The following ST7 variants were observed in gnomAD, a reference collection of about 807,000 sequenced individuals.
The protein encoded by ST7 is suppression of tumorigenicity 7.
Under a neutral mutation model 78.7 loss-of-function variants are expected in ST7, and 28 were observed. That is an observed-to-expected ratio of 0.36 (90% confidence interval 0.26 to 0.49). The LOEUF (loss-of-function observed/expected upper bound fraction) is 0.49, where lower values mean the gene tolerates loss of function less well. ST7 is among the 20% of genes least tolerant of loss of function. The pLI is 0.99. For missense variants in ST7, 418 were observed against 696.0 expected, an observed-to-expected ratio of 0.60 and a Z score of 4.49; for synonymous variants, 247 against 249.6, an observed-to-expected ratio of 0.99 and a Z score of 0.10.
At chr7:117,118,994 C>T (rs900813121) in intron 2 of ST7, among the ~76,000 whole-genome samples, 2 of 152,196 alleles carry the variant, frequency 1.3e-5, no homozygotes, top group African/African-American at 4.8e-5. Context: ...AATGCTGAAC[C>T]TCAGTGGCTG....
chr7:117,214,659 TATC>T (rs1305016552), intron 13 of ST7, among the ~76,000 whole-genome samples: 1 of 151,944 alleles, frequency 6.6e-6, no homozygotes, highest in African/African-American at 2.4e-5. Flanking sequence ...AGACTCCAGA[TATC>T]ATATGATGGT....
At chr7:117,046,281 G>T (rs928844838) in intron 1 of ST7, among the ~76,000 whole-genome samples, 2 of 152,126 alleles carry the variant, frequency 1.3e-5, no homozygotes, top group African/African-American at 4.8e-5. Flanking sequence ...AGCCTGTCGG[G>T]CAAGGCTTCG....
intron 1 of ST7, among the ~76,000 whole-genome samples, chr7:116,981,669 A>T (rs940921586): frequency 1.3e-5 from 2 of 152,220 alleles, no homozygotes; most frequent in Non-Finnish European, 2.9e-5. Flanking sequence ...ATGTACAGTC[A>T]TGTGTTGCTT....
At chr7:117,222,267 G>A (rs1661146140) in intron 15 of ST7, among the ~76,000 whole-genome samples, 1 of 152,204 alleles carries the variant, frequency 6.6e-6, no homozygotes, top group African/African-American at 2.4e-5. Flanking sequence ...TGCATGCCTT[G>A]CCTCATTTCA....
chr7:116,998,342 G>A (rs1225819687), intron 1 of ST7, among the ~76,000 whole-genome samples: 1 of 152,170 alleles, frequency 6.6e-6, no homozygotes, highest in African/African-American at 2.4e-5. Context: ...TGGCCCGCAA[G>A]TGCCGTGTGC....
At chr7:117,194,966 C>A (rs1810157346) in intron 12 of ST7, among the ~76,000 whole-genome samples, 1 of 152,132 alleles carries the variant, frequency 6.6e-6, no homozygotes, top group Admixed American at 6.5e-5. Context: ...TACATTAACT[C>A]CTTCAGGGTA....
rs1171249318 is a variant in ST7 at position 117,009,257 on chromosome 7, G to GTTTTTTTT, written c.151+55572_151+55579dup. ...TAAAGAACTTCTCCACTTTTTTTTT[G>GTTTTTTTT]TTTTTTTTTTTTTGTTTTTGGCCTC... On this transcript the variant is annotated intron_variant, in intron 1 of 15. Transcript: ENST00000323984. 1.1e-3 allele frequency among the ~76,000 whole-genome samples: 21 copies of GTTTTTTTT among 18,476 alleles called. 3 individuals are homozygous for GTTTTTTTT. Among genetic ancestry groups the GTTTTTTTT allele is most frequent in the South Asian group, 1.9e-3 (1 of 514 alleles). The allele number at this position is 18,476 out of a possible 152,430, so 12.1% of individuals were successfully genotyped here.
intron 2 of ST7, among the ~76,000 whole-genome samples, chr7:117,114,672 A>G: frequency 6.6e-6 from 1 of 152,186 alleles, no homozygotes; most frequent in East Asian, 1.9e-4. Context: ...GCTGTGTGGA[A>G]ATCTGGAGGC....
At chr7:117,097,011 T>C (rs1801094884) in intron 1 of ST7, among the ~76,000 whole-genome samples, 1 of 152,152 alleles carries the variant, frequency 6.6e-6, no homozygotes, top group Non-Finnish European at 1.5e-5. Flanking sequence ...AACAAATGAA[T>C]GGAATCTTTA....
chr7:116,966,718 A>G (rs1793137962), intron 1 of ST7, among the ~76,000 whole-genome samples: 1 of 152,180 alleles, frequency 6.6e-6, no homozygotes, highest in Non-Finnish European at 1.5e-5. Context: ...CTTACTGGAG[A>G]TTTTAAGTAA....
At chr7:116,974,973 G>A (rs932212389) in intron 1 of ST7, among the ~76,000 whole-genome samples, 1 of 152,048 alleles carries the variant, frequency 6.6e-6, no homozygotes, top group Non-Finnish European at 1.5e-5. Context: ...TCTCAATTCT[G>A]CCCTGATTAT....
chr7:117,126,830 T>C (rs1167185660), intron 3 of ST7, among the ~76,000 whole-genome samples: 2 of 151,934 alleles, frequency 1.3e-5, no homozygotes, highest in Admixed American at 6.6e-5. Context: ...AAGCTTGTAA[T>C]GATCTCATTA....
intron 1 of ST7, among the ~76,000 whole-genome samples, chr7:117,043,982 C>CT (rs1460281018): frequency 6.6e-6 from 1 of 152,192 alleles, no homozygotes; most frequent in Non-Finnish European, 1.5e-5. Context: ...AGGACATACT[C>CT]TTATCAGGGA....
At position 117,165,064 on chromosome 7, in the gene ST7, G is replaced by A. The variant is rs201909098; in HGVS notation, c.964-5798G>A. 1.6e-4 allele frequency among the ~76,000 whole-genome samples: 25 copies of A among 152,262 alleles called. No individual in the cohort carries two copies. In the East Asian group the frequency reaches 2.7e-3, roughly 16 times the overall value. ...GTGAAAACAGTTTGAGCAGAAACAC[G>A]GTGGCTAGTAACTATAGAAAGGATT... On this transcript the variant is annotated intron_variant, in intron 9 of 15. Coordinates refer to ENST00000323984, the MANE Select transcript of ST7 (RefSeq NM_001369598.1).
At chr7:117,006,260 A>G (rs1188120050) in intron 1 of ST7, among the ~76,000 whole-genome samples, 1 of 152,194 alleles carries the variant, frequency 6.6e-6, no homozygotes, top group African/African-American at 2.4e-5. Context: ...TCTTACTTCC[A>G]TCTTTAAAGT....
intron 1 of ST7, among the ~76,000 whole-genome samples, chr7:116,988,024 G>A (rs1028563096): frequency 9.8e-5 from 15 of 152,314 alleles, no homozygotes; most frequent in African/African-American, 3.4e-4. Context: ...ACTGCACCCA[G>A]CCCACCTTTT....
intron 1 of ST7, among the ~76,000 whole-genome samples, chr7:117,013,175 A>G (rs1184971547): frequency 1.3e-5 from 2 of 152,248 alleles, no homozygotes; most frequent in Non-Finnish European, 2.9e-5. Flanking sequence ...CAGCGTTTCC[A>G]CACACTTGTA....
chr7:117,052,831 T>C (rs1797855472), intron 1 of ST7, among the ~76,000 whole-genome samples: 1 of 152,192 alleles, frequency 6.6e-6, no homozygotes, highest in South Asian at 2.1e-4. Context: ...GAGGCGGAGC[T>C]TGCAGTGAGC....
intron 12 of ST7, among the ~76,000 whole-genome samples, chr7:117,199,810 A>C (rs1387416961): frequency 6.6e-6 from 1 of 152,206 alleles, no homozygotes; most frequent in African/African-American, 2.4e-5. Flanking sequence ...GGAACGAGGC[A>C]ACCAGCTCAC....
Sources: gnomAD v4.1 joint callset for allele counts (sites outside exome capture counted in the v4.1 genomes callset) on GRCh38, gnomAD v4.1.1 for gene constraint, MANE v1.5 for transcripts, NCBI Gene and HGNC (gene_info 2026-07-23, HGNC 2026-07-21) for gene names.